The following PDE1C variants were observed in gnomAD, a reference collection of about 807,000 sequenced individuals.
The protein encoded by PDE1C is dual specificity calcium/calmodulin-dependent 3',5'-cyclic nucleotide phosphodiesterase 1C.
PDE1C carries 62 observed loss-of-function variants against 93.1 expected under a neutral mutation model. The observed-to-expected ratio is 0.67, with a 90% CI of 0.54 to 0.82. The LOEUF is 0.82. PDE1C is among the 40% of genes least tolerant of loss of function. The probability of loss-of-function intolerance (pLI) is 0.00; values close to 1 mark genes in which losing one functional copy is unlikely to be tolerated. For missense variants in PDE1C, 742 were observed against 884.6 expected (o/e 0.84, Z 2.04); for synonymous variants, 325 against 310.1 (o/e 1.05, Z -0.50).
chr7:32,393,234 G>A (rs1784784665), intron 1 of PDE1C, among the ~76,000 whole-genome samples: 1 of 151,926 alleles, frequency 6.6e-6, no homozygotes, highest in Non-Finnish European at 1.5e-5. Context: ...TCCATTCAAT[G>A]TTGTCATGGA....
chr7:31,764,378 G>A (rs71530559), intron 17 of PDE1C, among the ~76,000 whole-genome samples: 824 of 152,052 alleles, frequency 5.4e-3, no homozygotes, highest in Non-Finnish European at 8.3e-3. Flanking sequence ...ACTCCTGACC[G>A]CGGTGATCCA....
intron 6 of PDE1C, among the ~76,000 whole-genome samples, chr7:31,867,577 C>T (rs1161857534): frequency 6.6e-6 from 1 of 152,172 alleles, no homozygotes; most frequent in Non-Finnish European, 1.5e-5. Context: ...GTTGTAGCCA[C>T]CTCTATGATG....
intron 1 of PDE1C, among the ~76,000 whole-genome samples, chr7:32,067,503 A>C (rs1260950305): frequency 6.6e-6 from 1 of 152,220 alleles, no homozygotes; most frequent in Non-Finnish European, 1.5e-5. Flanking sequence ...TCCCTGCAAT[A>C]TACTTGGCTG....
intron 17 of PDE1C, among the ~76,000 whole-genome samples, chr7:31,756,250 G>A (rs932405122): frequency 6.6e-6 from 1 of 152,160 alleles, no homozygotes; most frequent in African/African-American, 2.4e-5. Context: ...GGGGATCAAG[G>A]TTGACACCAG....
chr7:32,071,010 C>G (rs1344389159), upstream of PDE1C: 4 of 985,264 alleles, frequency 4.1e-6, no homozygotes, highest in Non-Finnish European at 3.6e-6. Flanking sequence ...AGAAAACTGA[C>G]AAGTGAGAAA....
chr7:31,755,106 A>G (rs549294260), intron 17 of PDE1C, among the ~76,000 whole-genome samples: 1 of 152,280 alleles, frequency 6.6e-6, no homozygotes, highest in Non-Finnish European at 1.5e-5. Context: ...ATTGTTTCCC[A>G]TGGGGCTATT....
intron 2 of PDE1C, among the ~76,000 whole-genome samples, chr7:31,957,646 A>G (rs931272760): frequency 6.6e-6 from 1 of 152,178 alleles, no homozygotes; most frequent in Admixed American, 6.5e-5. Flanking sequence ...AATGGGAAAC[A>G]CTGGGCCATA....
chr7:32,237,762 A>ATATATATATATATATATATATAT (rs1562607013), intron 1 of PDE1C, among the ~76,000 whole-genome samples: 2 of 35,092 alleles, frequency 5.7e-5, no homozygotes, highest in Non-Finnish European at 1.0e-4. Context: ...ATATATATAT[A>ATATATATATATATATATATATAT]CTTTTTTTTT....
At position 32,110,736 on chromosome 7, in the gene PDE1C, A is replaced by C. The variant is rs116881049; in HGVS notation, c.308+59049T>G. Among the ~76,000 whole-genome samples, 801 of 152,250 alleles carry C rather than the reference A, an allele frequency of 5.3e-3. 10 individuals carry two copies. The highest frequency in any genetic ancestry group is 5.0e-3 in the Non-Finnish European group (337 of 68,010). ...CTTTAATTGCCTGAGAAGAAACTACAATTCTCCTTGAACTCCCCAGAGAAA... is the reference window on the plus strand; with the variant it reads ...CTTTAATTGCCTGAGAAGAAACTACCATTCTCCTTGAACTCCCCAGAGAAA... On this transcript the variant is annotated intron_variant, in intron 3 of 18. Coordinates refer to the PDE1C transcript ENST00000396193.
chr7:32,152,407 T>C (rs1801314779), intron 3 of PDE1C, among the ~76,000 whole-genome samples: 1 of 152,208 alleles, frequency 6.6e-6, no homozygotes, highest in Non-Finnish European at 1.5e-5. Context: ...CAAAACAGCA[T>C]AGGCATCCTC....
intron 1 of PDE1C, among the ~76,000 whole-genome samples, chr7:32,345,186 A>C (rs1783828832): frequency 6.6e-6 from 1 of 152,128 alleles, no homozygotes; most frequent in Non-Finnish European, 1.5e-5. Flanking sequence ...TCAAGTGTAG[A>C]GTGGAACTGT....
chr7:32,312,364 C>A lies in PDE1C; in HGVS notation c.311-102825G>T, dbSNP rs924799565. ...TTTATAGATTCAATGCCATCCCCAT[C>A]AAGCTACCAATGACTTTCTTCACAG... On this transcript the variant is annotated intron_variant, in intron 1 of 1. Transcript: ENST00000672256. 3.9e-5 allele frequency among the ~76,000 whole-genome samples: 6 copies of A among 151,994 alleles called. No individual in the cohort carries two copies. In the South Asian group the frequency reaches 8.3e-4, roughly 21 times the overall value.
chr7:32,355,561 T>G (rs946409928), intron 1 of PDE1C, among the ~76,000 whole-genome samples: 3 of 152,110 alleles, frequency 2.0e-5, no homozygotes, highest in Middle Eastern at 6.8e-3. Context: ...TATCAATTCC[T>G]CCCCATGTGT....
intron 3 of PDE1C, among the ~76,000 whole-genome samples, chr7:32,116,796 T>G (rs1799006689): frequency 1.3e-5 from 2 of 152,188 alleles, no homozygotes; most frequent in Non-Finnish European, 2.9e-5. Flanking sequence ...TTGCTATTGC[T>G]TAGAACTACA....
intron 7 of PDE1C, among the ~76,000 whole-genome samples, chr7:31,853,823 C>T (rs1793653934): frequency 1.3e-5 from 2 of 152,056 alleles, no homozygotes; most frequent in Non-Finnish European, 2.9e-5. Flanking sequence ...AAACCTCCCA[C>T]CTCAGCCTCC....
rs185852037 is a variant in PDE1C at position 31,970,276 on chromosome 7, A to G, written c.128+81278T>C. ...TTGCAGATAAGAAGCCAATATAAAC[A>G]CAGATGCTTTAATATGAAACCAGAA... On this transcript the variant is annotated intron_variant, in intron 2 of 17. Coordinates refer to ENST00000396191, the MANE Select transcript of PDE1C (RefSeq NM_001191057.4). Among the ~76,000 whole-genome samples the G allele has an allele frequency of 2.5e-3, 379 of 152,324 alleles. 7 individuals carry two copies. The South Asian group carries it at 0.031, about 12-fold the overall frequency.
intron 15 of PDE1C, among the ~76,000 whole-genome samples, chr7:31,811,812 T>C (rs1787587767): frequency 6.6e-6 from 1 of 152,012 alleles, no homozygotes; most frequent in African/African-American, 2.4e-5. Context: ...GAGGAAGTCA[T>C]CTCAACAGAG....
intron 3 of PDE1C, among the ~76,000 whole-genome samples, chr7:32,118,803 T>C (rs548522203): frequency 4.6e-4 from 70 of 152,344 alleles, no homozygotes; most frequent in South Asian, 1.0e-3. Flanking sequence ...ACCATCATGA[T>C]GGCAATTAAA....
chr7:32,218,183 C>T lies in PDE1C; in HGVS notation c.86-8644G>A, dbSNP rs117610154. Among the ~76,000 whole-genome samples the T allele has an allele frequency of 9.3e-3, 1,411 of 152,278 alleles. 9 individuals are homozygous for T. Among genetic ancestry groups the T allele is most frequent in the Middle Eastern group, 0.044 (13 of 294 alleles). On this transcript the variant is annotated intron_variant, in intron 1 of 18. Transcript: ENST00000396193. ...CAGCAATCCAGTTGAAATTTGTGCC[C>T]CAGAGCCATAAAAGGCATCACAACC...
Sources: gnomAD v4.1 joint callset for allele counts (sites outside exome capture counted in the v4.1 genomes callset) on GRCh38, gnomAD v4.1.1 for gene constraint, MANE v1.5 for transcripts, NCBI Gene and HGNC (gene_info 2026-07-23, HGNC 2026-07-21) for gene names.